Variants in MED15 observed in about 807,000 individuals in gnomAD.
MED15 encodes the protein mediator complex subunit 15, also known as mediator of RNA polymerase II transcription subunit 15.
In MED15, 41 loss-of-function variants were observed where a neutral mutation model predicts 118.7. The ratio of observed to expected loss-of-function variants is 0.35; its 90% CI spans 0.27 to 0.45. MED15 has a LOEUF of 0.45. MED15 is among the 20% of genes least tolerant of loss of function. The pLI is 1.00. For synonymous variants in MED15, 436 were observed against 413.9 expected (o/e 1.05, Z -0.65); for missense variants, 740 against 1,025.5 (o/e 0.72, Z 3.80).
Position 20,509,671 on chromosome 22 carries a change from C to G in MED15, c.68+1925C>G, listed in dbSNP as rs533762140. ...TTCAGTACAGTGGAAAGAGTAGGGA[C>G]TGTAGAGTTAGTAGCTATGGGCTTT... On this transcript the variant is annotated intron_variant, in intron 1 of 17. Coordinates refer to ENST00000263205, the MANE Select transcript of MED15 (RefSeq NM_001003891.3). Among the ~76,000 whole-genome samples the G allele has an allele frequency of 3.2e-4, 49 of 152,210 alleles. 1 individual carries two copies. In the South Asian group the frequency reaches 9.4e-3, roughly 29 times the overall value.
rs1254748701 is a variant in MED15 at position 20,507,759 on chromosome 22, C to T, written c.68+13C>T. On this transcript the variant is annotated intron_variant, in intron 1 of 17. Coordinates refer to ENST00000263205, the MANE Select transcript of MED15 (RefSeq NM_001003891.3). Reference sequence around the variant, plus strand: ...TGGTCAGTCAAATGTGAGTAGTGGTCGGGGCAGGGGGCTGGATTGTGGGAC... The same window carrying T: ...TGGTCAGTCAAATGTGAGTAGTGGTTGGGGCAGGGGGCTGGATTGTGGGAC... 6.2e-7 allele frequency: 1 copy of T among 1,613,880 alleles called. No homozygotes were observed. The highest frequency in any genetic ancestry group is 1.1e-5 in the South Asian group (1 of 91,068).
chr22:20,575,260 G>A (rs369025010), intron 9 of MED15, 28 bp downstream of exon 9: 16 of 1,609,698 alleles, frequency 9.9e-6, no homozygotes, highest in African/African-American at 2.7e-5. Context: ...CCCAGGGCAC[G>A]GCTGGGAGCT....
chr22:20,576,707 G>T (rs575382655), intron 9 of MED15, among the ~76,000 whole-genome samples: 1 of 152,374 alleles, frequency 6.6e-6, no homozygotes, highest in East Asian at 1.9e-4. Flanking sequence ...TCAGGAATTA[G>T]GTTGTGTGGC....
intron 2 of MED15, among the ~76,000 whole-genome samples, chr22:20,550,820 C>T (rs892510185): frequency 1.3e-5 from 2 of 152,250 alleles, no homozygotes; most frequent in Non-Finnish European, 2.9e-5. Context: ...CAGCAGCTTG[C>T]ATATAGCGGG....
intron 3 of MED15, 110 bp downstream of exon 3, chr22:20,551,597 C>A: frequency 1.0e-6 from 1 of 991,558 alleles, no homozygotes. Flanking sequence ...GTCAGAAGGT[C>A]TGTGTCACCT....
chr22:20,579,203 C>T (rs982506601), intron 9 of MED15, among the ~76,000 whole-genome samples: 9 of 152,194 alleles, frequency 5.9e-5, no homozygotes, highest in African/African-American at 1.9e-4. Context: ...GTTTCTTTCT[C>T]GCCTCTCTGG....
intron 1 of MED15, among the ~76,000 whole-genome samples, chr22:20,536,112 A>G (rs1369532717): frequency 2.0e-5 from 3 of 148,196 alleles, no homozygotes; most frequent in African/African-American, 7.5e-5. Context: ...CTGACCTCAG[A>G]TGATCCACCC....
At chr22:20,546,044 G>A (rs2146490753) in intron 2 of MED15, among the ~76,000 whole-genome samples, 1 of 152,270 alleles carries the variant, frequency 6.6e-6, no homozygotes, top group African/African-American at 2.4e-5. Flanking sequence ...ATCACATGGA[G>A]TCACTATTGT....
At chr22:20,537,241 G>C in intron 2 of MED15, 37 bp downstream of exon 2, 1 of 1,578,670 alleles carries the variant, frequency 6.3e-7, no homozygotes, top group Non-Finnish European at 8.7e-7. Flanking sequence ...CTGGCAGAGA[G>C]ACTTGGAGAG....
intron 2 of MED15, among the ~76,000 whole-genome samples, chr22:20,546,697 GGT>G (rs1354571082): frequency 1.3e-5 from 2 of 151,902 alleles, no homozygotes; most frequent in African/African-American, 4.8e-5. Flanking sequence ...GTGTATCTGG[GGT>G]GTTCTGGTCC....
At chr22:20,539,029 C>G (rs757892493) in intron 2 of MED15, among the ~76,000 whole-genome samples, 1 of 152,134 alleles carries the variant, frequency 6.6e-6, no homozygotes, top group Non-Finnish European at 1.5e-5. Flanking sequence ...TATTTTGCAG[C>G]TGGCTTATTT....
At position 20,583,314 on chromosome 22, in the gene MED15, C is replaced by T. The variant is rs165643; in HGVS notation, c.1673-16C>T. On this transcript the variant is annotated splice_polypyrimidine_tract_variant and intron_variant, in intron 12 of 17. Transcript: ENST00000263205. ...CACCAGGCTTGTGTCTTAGTGTGTA[C>T]CCTCTTCTGTCCCAGACAGAAAAAA... 0.21 allele frequency: 339,911 copies of T among 1,613,310 alleles called. 36,617 individuals carry two copies. The highest frequency in any genetic ancestry group is 0.24 in the South Asian group (22,034 of 91,058).
chr22:20,569,170 ATGTG>A (rs1183158635), intron 8 of MED15, among the ~76,000 whole-genome samples: 1 of 152,006 alleles, frequency 6.6e-6, no homozygotes, highest in Admixed American at 6.5e-5. Flanking sequence ...CATGTGTGGA[ATGTG>A]TGTGTGTCTC....
intron 9 of MED15, among the ~76,000 whole-genome samples, chr22:20,580,357 C>T (rs1437047350): frequency 6.6e-6 from 1 of 152,154 alleles, no homozygotes; most frequent in African/African-American, 2.4e-5. Flanking sequence ...AGCCTCTGCC[C>T]AGCCTGCAGC....
intron 9 of MED15, among the ~76,000 whole-genome samples, chr22:20,575,849 C>A (rs1241959037): frequency 6.6e-6 from 1 of 151,958 alleles, no homozygotes; most frequent in East Asian, 1.9e-4. Context: ...AAATTTTAAG[C>A]CCTCATTTGC....
chr22:20,518,967 G>T (rs916566724), intron 1 of MED15: 1 of 423,860 alleles, frequency 2.4e-6, no homozygotes, highest in Admixed American at 2.6e-5. Context: ...ATCCTCCCAC[G>T]TCAGCCTCCC....
At position 20,584,343 on chromosome 22, in the gene MED15, T is replaced by G. The variant is rs1199822972; in HGVS notation, c.1737-16T>G. 10 of 1,612,756 alleles carry G rather than the reference T, an allele frequency of 6.2e-6. No homozygotes were observed. Among genetic ancestry groups the G allele is most frequent in the Non-Finnish European group, 8.5e-6 (10 of 1,179,188 alleles). ...ATGTCTTCCACTCTTTCAGCCCAAGTCCTCTCTCTCTGCAGGTGTCCCCTG... is the reference window on the plus strand; with the variant it reads ...ATGTCTTCCACTCTTTCAGCCCAAGGCCTCTCTCTCTGCAGGTGTCCCCTG... On this transcript the variant is annotated splice_polypyrimidine_tract_variant and intron_variant, in intron 13 of 17. Coordinates refer to ENST00000263205, the MANE Select transcript of MED15 (RefSeq NM_001003891.3).
intron 1 of MED15, chr22:20,522,795 T>A (rs1412272108): frequency 6.6e-6 from 1 of 152,482 alleles, no homozygotes; most frequent in Non-Finnish European, 1.5e-5. Flanking sequence ...ATGAAACCTG[T>A]CTGCCTAGGT....
At chr22:20,546,278 A>T (rs2055532408) in intron 2 of MED15, among the ~76,000 whole-genome samples, 1 of 152,086 alleles carries the variant, frequency 6.6e-6, no homozygotes, top group Non-Finnish European at 1.5e-5. Context: ...GCTAAATCGG[A>T]GAGCAGAGAG....
Sources: allele counts gnomAD v4.1 joint callset (sites outside exome capture counted in the v4.1 genomes callset), GRCh38; gene constraint gnomAD v4.1.1; transcripts MANE v1.5; gene names NCBI Gene and HGNC (gene_info 2026-07-23, HGNC 2026-07-21).